The following TMEM39B variants were observed in gnomAD, a reference collection of about 807,000 sequenced individuals.
TMEM39B encodes transmembrane protein 39B.
A neutral mutation model predicts 52.2 loss-of-function variants in TMEM39B; 23 were observed. The observed-to-expected ratio is 0.44, with a 90% confidence interval of 0.32 to 0.62. TMEM39B has a LOEUF of 0.62. Among genes scored for constraint, TMEM39B ranks in the 20% least tolerant of loss-of-function variants. The pLI is 0.06. For missense variants in TMEM39B, 547 were observed against 642.0 expected (o/e 0.85, Z 1.60); for synonymous variants, 285 against 264.0 (o/e 1.08, Z -0.77).
chr1:32,077,480 T>C (rs928814806), intron 5 of TMEM39B, among the ~76,000 whole-genome samples, 162 bp downstream of exon 5: 2 of 152,156 alleles, frequency 1.3e-5, no homozygotes, highest in Non-Finnish European at 2.9e-5. Flanking sequence ...GTCAGGATAA[T>C]TAGCCTTTTT....
intron 5 of TMEM39B, among the ~76,000 whole-genome samples, chr1:32,079,509 C>T (rs979755021): frequency 6.6e-6 from 1 of 151,848 alleles, no homozygotes; most frequent in African/African-American, 2.4e-5. Context: ...TAACCTGGAC[C>T]AGTTCATCCC....
At chr1:32,080,969 G>A (rs61296626) in intron 5 of TMEM39B, among the ~76,000 whole-genome samples, 1,679 of 152,034 alleles carry the variant, frequency 0.011, 28 homozygotes, top group African/African-American at 0.038. Flanking sequence ...ATTTGAGGCC[G>A]AAGTGAGCCA....
chr1:32,073,126 G>T, intron 1 of TMEM39B, 75 bp downstream of exon 1: 1 of 1,368,262 alleles, frequency 7.3e-7, no homozygotes, highest in Non-Finnish European at 9.5e-7. Flanking sequence ...GCTAATTGCT[G>T]CTCCACGCGG....
chr1:32,088,946 C>A (rs1368910801), intron 5 of TMEM39B, among the ~76,000 whole-genome samples: 1 of 151,948 alleles, frequency 6.6e-6, no homozygotes, highest in African/African-American at 2.4e-5. Context: ...TATTCTGGGC[C>A]AGAAACTATG....
chr1:32,080,511 C>CA (rs1640049985), intron 5 of TMEM39B, among the ~76,000 whole-genome samples: 1 of 151,412 alleles, frequency 6.6e-6, no homozygotes, highest in African/African-American at 2.4e-5. Context: ...TAAAAAAATA[C>CA]AAAAAACTAG....
intron 6 of TMEM39B, among the ~76,000 whole-genome samples, chr1:32,093,130 G>A (rs1253088920): frequency 1.3e-5 from 2 of 151,758 alleles, no homozygotes; most frequent in Admixed American, 6.6e-5. Flanking sequence ...ACGGAGTCTC[G>A]CTCTGTCGCC....
At chr1:32,085,708 G>A (rs569624044) in intron 5 of TMEM39B, among the ~76,000 whole-genome samples, 284 of 150,218 alleles carry the variant, frequency 1.9e-3, no homozygotes, top group African/African-American at 6.6e-3. Flanking sequence ...CTGAGATTGC[G>A]CCACTGCACT....
chr1:32,081,087 T>A (rs1281278230), intron 5 of TMEM39B, among the ~76,000 whole-genome samples: 2 of 151,636 alleles, frequency 1.3e-5, no homozygotes, highest in Non-Finnish European at 2.9e-5. Context: ...GCCTCCAGAT[T>A]TTTAGTCCCA....
chr1:32,091,577 A>T (rs1640603650), intron 5 of TMEM39B, 98 bp from the exon 6 acceptor site: 2 of 1,370,686 alleles, frequency 1.5e-6, no homozygotes, highest in African/African-American at 1.5e-5. Flanking sequence ...CAGCCAGGAG[A>T]GCTGAGGCCC....
chr1:32,092,841 C>T (rs942232241), intron 6 of TMEM39B, among the ~76,000 whole-genome samples: 1 of 152,282 alleles, frequency 6.6e-6, no homozygotes, highest in East Asian at 1.9e-4. Flanking sequence ...GGGAAGTGAC[C>T]TGTCCAAGGT....
chr1:32,075,466 T>G (rs909897076), intron 2 of TMEM39B, 137 bp from the exon 3 acceptor site: 4 of 887,330 alleles, frequency 4.5e-6, no homozygotes, highest in Non-Finnish European at 6.7e-6. Flanking sequence ...TTCCTTTGTC[T>G]GACAAGCAGG....
intron 7 of TMEM39B, 113 bp downstream of exon 7, chr1:32,095,084 C>G: frequency 7.8e-7 from 1 of 1,273,938 alleles, no homozygotes; most frequent in Non-Finnish European, 1.1e-6. Context: ...TTGAGCGTGT[C>G]TTGTATATTA....
chr1:32,091,016 G>T (rs988787191), intron 5 of TMEM39B, among the ~76,000 whole-genome samples: 9 of 152,048 alleles, frequency 5.9e-5, no homozygotes, highest in Non-Finnish European at 1.3e-4. Flanking sequence ...TTGAACTCCT[G>T]GGCTCACGTG....
intron 5 of TMEM39B, among the ~76,000 whole-genome samples, chr1:32,082,837 C>T (rs1240665129): frequency 1.3e-5 from 2 of 151,902 alleles, no homozygotes; most frequent in African/African-American, 4.8e-5. Context: ...TGCAGTGGCA[C>T]GATCTCAACT....
intron 6 of TMEM39B, 129 bp downstream of exon 6, chr1:32,092,140 A>G (rs1354889636): frequency 6.1e-6 from 5 of 821,342 alleles, no homozygotes; most frequent in Non-Finnish European, 7.5e-6. Context: ...GGAGGACTGG[A>G]GTGACTACTA....
At chr1:32,083,076 G>GTTTTTTT (rs763745093) in intron 5 of TMEM39B, among the ~76,000 whole-genome samples, 9 of 85,896 alleles carry the variant, frequency 1.0e-4, no homozygotes, top group Non-Finnish European at 1.5e-4. Context: ...GCCCAGCCTG[G>GTTTTTTT]TTTTTTTTTT....
chr1:32,089,706 G>C (rs1419228689), intron 5 of TMEM39B, among the ~76,000 whole-genome samples: 1 of 150,690 alleles, frequency 6.6e-6, no homozygotes, highest in Non-Finnish European at 1.5e-5. Flanking sequence ...GAGTGCAGTG[G>C]TGTGATCTCG....
At chr1:32,100,712 C>A (rs777079076) in intron 8 of TMEM39B, 150 bp downstream of exon 8, 33 of 1,094,534 alleles carry the variant, frequency 3.0e-5, no homozygotes, top group Non-Finnish European at 4.1e-5. Flanking sequence ...ACAAGGACAG[C>A]CATATAAATT....
intron 1 of TMEM39B, 122 bp downstream of exon 1, chr1:32,073,173 G>A: frequency 2.4e-6 from 3 of 1,261,602 alleles, no homozygotes; most frequent in East Asian, 3.3e-5. Context: ...GGGGATGCGA[G>A]CGCAGACGGG....
Sources: gnomAD v4.1 joint callset for allele counts (sites outside exome capture counted in the v4.1 genomes callset) on GRCh38, gnomAD v4.1.1 for gene constraint, MANE v1.5 for transcripts, NCBI Gene and HGNC (gene_info 2026-07-23, HGNC 2026-07-21) for gene names.